TNS1: variants seen among roughly 807,000 people sequenced by gnomAD.
The protein encoded by TNS1 is tensin-1.
In TNS1, 62 loss-of-function variants were observed where a neutral mutation model predicts 168.6. That is an observed-to-expected ratio of 0.37 (90% CI 0.30 to 0.45). The LOEUF (loss-of-function observed/expected upper bound fraction) is 0.45, where lower values mean the gene tolerates loss of function less well. Among genes scored for constraint, TNS1 ranks in the 20% least tolerant of loss-of-function variants. The probability of loss-of-function intolerance (pLI) is 1.00; values close to 1 mark genes in which losing one functional copy is unlikely to be tolerated. For synonymous variants in TNS1, 934 were observed against 933.2 expected (o/e 1.00, Z -0.02); for missense variants, 2,240 against 2,339.4 (o/e 0.96, Z 0.88).
chr2:217,850,628 C>CAT, intron 18 of TNS1: 2 of 963,384 alleles, frequency 2.1e-6, no homozygotes, highest in Non-Finnish European at 2.4e-6. Context: ...CACACACGCA[C>CAT]GCACGCACCT....
chr2:217,810,604 C>T (rs376494646), intron 28 of TNS1, among the ~76,000 whole-genome samples: 10 of 152,294 alleles, frequency 6.6e-5, no homozygotes, highest in East Asian at 3.9e-4. Context: ...ATGGTACCCA[C>T]GTCACTGGGT....
chr2:217,847,418 A>G (rs1946803427), intron 19 of TNS1, 92 bp downstream of exon 19: 14 of 1,228,292 alleles, frequency 1.1e-5, no homozygotes, highest in African/African-American at 1.5e-5. Flanking sequence ...TGAAAGCAAC[A>G]TCTGCTTAGG....
chr2:217,808,640 T>C lies in TNS1; in HGVS notation c.5305A>G (p.Thr1769Ala). 6.2e-7 allele frequency: 1 copy of C among 1,613,970 alleles called. No individual in the cohort carries two copies. Residue 1769 changes from threonine to alanine, a missense_variant, in exon 31 of 33, where the codon ACT (threonine) becomes GCT (alanine). By Grantham distance (58) the Thr-to-Ala change is moderately conservative (BLOSUM62 0). Coordinates refer to ENST00000682258, the MANE Select transcript of TNS1 (RefSeq NM_001387777.1). ...GGATCCAGGTCACAGAAGGTGACAGTGTTGAGAGGGTAGTGGCGTCTGAAA... is the reference window on the plus strand; with the variant it reads ...GGATCCAGGTCACAGAAGGTGACAGCGTTGAGAGGGTAGTGGCGTCTGAAA... ...LFFRRHYPLN[T>A]VTFCDLDPQE...
At chr2:217,978,487 G>T (rs990808408) in intron 3 of TNS1, among the ~76,000 whole-genome samples, 1 of 151,354 alleles carries the variant, frequency 6.6e-6, no homozygotes, top group Non-Finnish European at 1.5e-5. Flanking sequence ...CTGGGAGCTC[G>T]GTCCCCATCA....
chr2:217,905,611 G>A, intron 6 of TNS1: 2 of 255,972 alleles, frequency 7.8e-6, no homozygotes, highest in South Asian at 3.7e-5. Context: ...TGCAGCCCAG[G>A]GCGGGTGAAG....
At chr2:217,931,183 A>G (rs929653598) in intron 3 of TNS1, among the ~76,000 whole-genome samples, 1 of 152,184 alleles carries the variant, frequency 6.6e-6, no homozygotes, top group Non-Finnish European at 1.5e-5. Flanking sequence ...CAGTAATGCT[A>G]TAATGGAGGT....
intron 2 of TNS1, among the ~76,000 whole-genome samples, chr2:217,983,884 T>G (rs547497918): frequency 6.6e-6 from 1 of 152,348 alleles, no homozygotes; most frequent in South Asian, 2.1e-4. Flanking sequence ...TACCTAGATA[T>G]TCGGTGAAAC....
intron 19 of TNS1, among the ~76,000 whole-genome samples, chr2:217,842,592 C>T (rs1022195808): frequency 6.6e-6 from 1 of 152,232 alleles, no homozygotes; most frequent in Admixed American, 6.5e-5. Flanking sequence ...ACTGCTCTCC[C>T]TCCTTCCATC....
chr2:218,007,716 C>T (rs1958672553), upstream of TNS1, among the ~76,000 whole-genome samples: 1 of 152,018 alleles, frequency 6.6e-6, no homozygotes, highest in Non-Finnish European at 1.5e-5. Flanking sequence ...CAGGGTCTGT[C>T]CCCTGATGCC....
chr2:217,960,072 C>T (rs1157780379), intron 3 of TNS1, among the ~76,000 whole-genome samples: 1 of 152,080 alleles, frequency 6.6e-6, no homozygotes, highest in African/African-American at 2.4e-5. Flanking sequence ...CGCTGCACAG[C>T]CCCTCACCTA....
At chr2:217,913,299 C>G (rs1954639441) in intron 4 of TNS1, among the ~76,000 whole-genome samples, 1 of 152,202 alleles carries the variant, frequency 6.6e-6, no homozygotes, top group Non-Finnish European at 1.5e-5. Context: ...TCTGGCCAGA[C>G]CACACCTGTC....
intron 19 of TNS1, chr2:217,841,330 A>T (rs1264006662): frequency 2.1e-6 from 2 of 965,198 alleles, no homozygotes; most frequent in East Asian, 1.1e-4. Flanking sequence ...AGTGGGAGGC[A>T]GGAAGGAAGG....
chr2:217,838,653 A>G (rs1339509765), intron 19 of TNS1, among the ~76,000 whole-genome samples: 1 of 152,050 alleles, frequency 6.6e-6, no homozygotes, highest in Non-Finnish European at 1.5e-5. Context: ...AGTCAGGGCC[A>G]CTCACATTCT....
intron 4 of TNS1, among the ~76,000 whole-genome samples, chr2:217,916,452 C>A (rs930075191): frequency 6.6e-6 from 1 of 152,212 alleles, no homozygotes; most frequent in African/African-American, 2.4e-5. Context: ...ATCCGCCGAC[C>A]TTGGTGGCCA....
intron 18 of TNS1, among the ~76,000 whole-genome samples, chr2:217,866,000 A>G (rs1949239502): frequency 6.6e-6 from 1 of 152,108 alleles, no homozygotes; most frequent in Non-Finnish European, 1.5e-5. Context: ...CTTCTCCTCA[A>G]CTTTCAGAAA....
chr2:217,876,908 T>C (rs889378107), intron 18 of TNS1, among the ~76,000 whole-genome samples: 3 of 152,130 alleles, frequency 2.0e-5, no homozygotes, highest in Non-Finnish European at 4.4e-5. Context: ...TCATTTCTGT[T>C]GAACAAGCCC....
intron 18 of TNS1, among the ~76,000 whole-genome samples, chr2:217,859,993 C>A (rs1948630947): frequency 6.6e-6 from 1 of 152,198 alleles, no homozygotes; most frequent in Non-Finnish European, 1.5e-5. Flanking sequence ...TGCGGCCAGG[C>A]CAGTGGGAGC....
chr2:217,955,788 C>A (rs1388604566), intron 3 of TNS1, among the ~76,000 whole-genome samples: 1 of 152,208 alleles, frequency 6.6e-6, no homozygotes, highest in Non-Finnish European at 1.5e-5. Flanking sequence ...CTCAAACAAT[C>A]CTCCCTCCTG....
At chr2:218,028,359 C>T (rs1958866806) in intron 1 of TNS1, among the ~76,000 whole-genome samples, 1 of 152,186 alleles carries the variant, frequency 6.6e-6, no homozygotes. Flanking sequence ...GTACAGCAGG[C>T]CACCCGGGCC....
Sources: gnomAD v4.1 joint callset for allele counts (sites outside exome capture counted in the v4.1 genomes callset) on GRCh38, gnomAD v4.1.1 for gene constraint, MANE v1.5 for transcripts, NCBI Gene and HGNC (gene_info 2026-07-23, HGNC 2026-07-21) for gene names.